The following PPP2R5E variants were observed in gnomAD, a reference collection of about 807,000 sequenced individuals.
PPP2R5E encodes the protein serine/threonine-protein phosphatase 2A 56 kDa regulatory subunit epsilon isoform.
In PPP2R5E, 4 loss-of-function variants were observed where a neutral mutation model predicts 65.3. The observed-to-expected ratio is 0.06, with a 90% confidence interval of 0.03 to 0.14. The LOEUF (loss-of-function observed/expected upper bound fraction) is 0.14. PPP2R5E is among the 10% of genes least tolerant of loss of function. The probability of loss-of-function intolerance (pLI) is 1.00; values close to 1 mark genes in which losing one functional copy is unlikely to be tolerated. For missense variants in PPP2R5E, 274 were observed against 556.1 expected, an observed-to-expected ratio of 0.49 and a Z score of 5.10; for synonymous variants, 183 against 187.4, an observed-to-expected ratio of 0.98 and a Z score of 0.19.
At chr14:63,499,585 G>A (rs1359312482) in intron 2 of PPP2R5E, among the ~76,000 whole-genome samples, 1 of 152,186 alleles carries the variant, frequency 6.6e-6, no homozygotes, top group Non-Finnish European at 1.5e-5. Flanking sequence ...TTAGCCAGGC[G>A]TGGTGGCACT....
chr14:63,482,311 T>G, intron 2 of PPP2R5E, among the ~76,000 whole-genome samples: 1 of 151,972 alleles, frequency 6.6e-6, no homozygotes, highest in Non-Finnish European at 1.5e-5. Flanking sequence ...AATACAAAAT[T>G]AGCCGGGCAT....
At chr14:63,509,872 C>T (rs548000854) in intron 2 of PPP2R5E, among the ~76,000 whole-genome samples, 17 of 152,222 alleles carry the variant, frequency 1.1e-4, no homozygotes, top group African/African-American at 3.6e-4. Flanking sequence ...CAATTTGGTA[C>T]GTAGATCTGA....
chr14:63,388,297 C>A (rs113160721), intron 11 of PPP2R5E, among the ~76,000 whole-genome samples: 3,558 of 152,154 alleles, frequency 0.023, 95 homozygotes, highest in African/African-American at 0.065. Flanking sequence ...CCCGCCACCA[C>A]GTCCAGCTAA....
intron 2 of PPP2R5E, among the ~76,000 whole-genome samples, chr14:63,476,255 G>A (rs1890407515): frequency 1.3e-5 from 2 of 151,498 alleles, no homozygotes; most frequent in Admixed American, 6.6e-5. Context: ...CCCCCCTTTT[G>A]CTTTTTGTTG....
At chr14:63,539,975 A>C (rs542329950) in intron 1 of PPP2R5E, among the ~76,000 whole-genome samples, 1 of 151,648 alleles carries the variant, frequency 6.6e-6, no homozygotes, top group South Asian at 2.1e-4. Flanking sequence ...AATTACAAAA[A>C]TTAGCCGGGC....
chr14:63,497,300 A>T (rs1273022633), intron 2 of PPP2R5E, among the ~76,000 whole-genome samples: 1 of 152,114 alleles, frequency 6.6e-6, no homozygotes, highest in African/African-American at 2.4e-5. Flanking sequence ...AGAACCCTGG[A>T]TCTGAAGACT....
intron 2 of PPP2R5E, among the ~76,000 whole-genome samples, chr14:63,523,230 G>C (rs919708274): frequency 2.0e-5 from 3 of 151,970 alleles, no homozygotes; most frequent in Non-Finnish European, 2.9e-5. Context: ...CATTGAGAAC[G>C]GGCCATGATG....
intron 2 of PPP2R5E, among the ~76,000 whole-genome samples, chr14:63,487,355 C>A (rs1016508946): frequency 1.3e-5 from 2 of 151,840 alleles, no homozygotes; most frequent in African/African-American, 4.8e-5. Context: ...AATTTACCAC[C>A]CCCCCCTCTT....
At chr14:63,439,488 C>T (rs1713000044) in intron 3 of PPP2R5E, among the ~76,000 whole-genome samples, 1 of 152,220 alleles carries the variant, frequency 6.6e-6, no homozygotes, top group African/African-American at 2.4e-5. Flanking sequence ...CATTCTCCTG[C>T]CTCAGCCTCC....
intron 2 of PPP2R5E, among the ~76,000 whole-genome samples, chr14:63,533,499 T>C (rs556556456): frequency 3.9e-5 from 6 of 152,128 alleles, no homozygotes; most frequent in Admixed American, 6.5e-5. Flanking sequence ...AGGCAGAGGC[T>C]GTGGTGAGCC....
intron 4 of PPP2R5E, among the ~76,000 whole-genome samples, chr14:63,417,515 G>A (rs1402552175): frequency 1.3e-5 from 2 of 148,858 alleles, no homozygotes; most frequent in African/African-American, 2.5e-5. Flanking sequence ...AGGCTAGTTT[G>A]GGTTACAGCT....
chr14:63,398,798 A>G (rs780299479), intron 5 of PPP2R5E, among the ~76,000 whole-genome samples: 3 of 152,318 alleles, frequency 2.0e-5, no homozygotes, highest in Non-Finnish European at 2.9e-5. Context: ...TCAGAAAAAA[A>G]GAAAAGAAAA....
intron 2 of PPP2R5E, among the ~76,000 whole-genome samples, chr14:63,509,106 C>T (rs961064473): frequency 6.6e-6 from 1 of 152,086 alleles, no homozygotes; most frequent in African/African-American, 2.4e-5. Context: ...AACTCTTACA[C>T]AGACTTTGCT....
intron 5 of PPP2R5E, among the ~76,000 whole-genome samples, chr14:63,411,960 T>C (rs1886413370): frequency 6.6e-6 from 1 of 152,228 alleles, no homozygotes; most frequent in South Asian, 2.1e-4. Context: ...TATATAATAG[T>C]GTGCACTGTA....
intron 2 of PPP2R5E, among the ~76,000 whole-genome samples, chr14:63,497,271 C>G (rs1435831110): frequency 2.0e-5 from 3 of 152,018 alleles, no homozygotes; most frequent in African/African-American, 7.2e-5. Context: ...AAATAACTTG[C>G]AAGATCTCTA....
intron 2 of PPP2R5E, among the ~76,000 whole-genome samples, chr14:63,469,567 GC>G (rs1176765764): frequency 6.6e-6 from 1 of 152,158 alleles, no homozygotes; most frequent in Non-Finnish European, 1.5e-5. Flanking sequence ...GGTGGCGAGC[GC>G]CTGTAGTCCC....
intron 5 of PPP2R5E, among the ~76,000 whole-genome samples, chr14:63,401,707 A>C (rs1232351852): frequency 6.6e-6 from 1 of 152,232 alleles, no homozygotes; most frequent in Non-Finnish European, 1.5e-5. Context: ...GCCTTGGCAT[A>C]GACAGGACTG....
rs1883725856 is a variant in PPP2R5E at position 63,372,199 on chromosome 14, C to A, written c.*3810G>T. ...ATTTCCAAGAGAGATACTACTGCTGCTATCGTGCACAAGAAGCAGCACAAA... is the reference window on the plus strand; with the variant it reads ...ATTTCCAAGAGAGATACTACTGCTGATATCGTGCACAAGAAGCAGCACAAA... On this transcript the variant is annotated 3_prime_UTR_variant, in exon 14 of 14. Coordinates refer to ENST00000337537, the MANE Select transcript of PPP2R5E (RefSeq NM_006246.5). 6.6e-6 allele frequency: 1 copy of A among 152,138 alleles called. No homozygotes were observed. The highest frequency in any genetic ancestry group is 3.1e-3 in the Middle Eastern group (1 of 318). The allele number at this position is 152,138 out of a possible 1,614,324, so 9.4% of individuals were successfully genotyped here.
intron 2 of PPP2R5E, among the ~76,000 whole-genome samples, chr14:63,529,288 A>C (rs529760739): frequency 6.6e-6 from 1 of 151,060 alleles, no homozygotes; most frequent in East Asian, 1.9e-4. Context: ...TTTCTTTTTG[A>C]GATAGATCCG....
Sources: gnomAD v4.1 joint callset for allele counts (sites outside exome capture counted in the v4.1 genomes callset) on GRCh38, gnomAD v4.1.1 for gene constraint, MANE v1.5 for transcripts, NCBI Gene and HGNC (gene_info 2026-07-23, HGNC 2026-07-21) for gene names.